The following RAPGEF2 variants were observed in gnomAD, a reference collection of about 807,000 sequenced individuals.
RAPGEF2 encodes PDZ domain containing guanine nucleotide exchange factor (GEF) 1.
A neutral mutation model predicts 186.7 loss-of-function variants in RAPGEF2; 54 were observed. That is an observed-to-expected ratio of 0.29 (90% confidence interval 0.23 to 0.36). RAPGEF2 has a LOEUF of 0.36. Ranked by LOEUF, RAPGEF2 falls within the 10% of genes least tolerant of loss-of-function variation. The pLI is 1.00. For missense variants in RAPGEF2, 1,532 were observed against 2,045.0 expected (o/e 0.75, Z 4.84); for synonymous variants, 712 against 705.9 (o/e 1.01, Z -0.14).
intron 1 of RAPGEF2, among the ~76,000 whole-genome samples, chr4:159,170,153 T>C (rs1745755095): frequency 6.6e-6 from 1 of 152,224 alleles, no homozygotes; most frequent in South Asian, 2.1e-4. Context: ...ATTTCTTGGA[T>C]GATTAGTGAT....
At chr4:159,183,408 A>G (rs1156429451) in intron 1 of RAPGEF2, among the ~76,000 whole-genome samples, 1 of 152,238 alleles carries the variant, frequency 6.6e-6, no homozygotes, top group Non-Finnish European at 1.5e-5. Flanking sequence ...ACTGTATACA[A>G]AAATTAAAAT....
At chr4:159,120,974 C>T (rs1739613940) in intron 1 of RAPGEF2, among the ~76,000 whole-genome samples, 1 of 152,090 alleles carries the variant, frequency 6.6e-6, no homozygotes, top group Non-Finnish European at 1.5e-5. Flanking sequence ...CCATCCTCTG[C>T]CTCCCTACTA....
chr4:159,159,659 A>G (rs538507804), intron 1 of RAPGEF2, among the ~76,000 whole-genome samples: 1 of 152,356 alleles, frequency 6.6e-6, no homozygotes, highest in Non-Finnish European at 1.5e-5. Flanking sequence ...AAAATTATTC[A>G]TACACATATT....
intron 7 of RAPGEF2, among the ~76,000 whole-genome samples, chr4:159,245,378 T>A (rs1754514090): frequency 6.6e-6 from 1 of 151,990 alleles, no homozygotes; most frequent in African/African-American, 2.4e-5. Flanking sequence ...TATTTCAAAT[T>A]GCTAAAAAAT....
intron 1 of RAPGEF2, among the ~76,000 whole-genome samples, chr4:159,150,539 G>A (rs1264079609): frequency 6.6e-6 from 1 of 152,122 alleles, no homozygotes; most frequent in Non-Finnish European, 1.5e-5. Context: ...AATCACCAGA[G>A]AACACACAAG....
chr4:159,177,065 T>G (rs1194175309), intron 1 of RAPGEF2, among the ~76,000 whole-genome samples: 1 of 152,202 alleles, frequency 6.6e-6, no homozygotes, highest in East Asian at 1.9e-4. Flanking sequence ...GATATGAGAT[T>G]TCTTACCAAT....
At chr4:159,210,631 C>A in intron 4 of RAPGEF2, 48 bp downstream of exon 4, 3 of 1,382,468 alleles carry the variant, frequency 2.2e-6, no homozygotes, top group Non-Finnish European at 3.0e-6. Flanking sequence ...GCTTGAAATT[C>A]TTTTGCAGAA....
In RAPGEF2 at chr4:159,295,754, T is replaced by TGC. The variant is rs66478721; in HGVS notation, c.544-8569_544-8568dup. ...GTGTGTGTGTGTGTGTGTGTGTGTG[T>TGC]GCGCGCGCGCGCGCGCGCGCATGCA... On this transcript the variant is annotated intron_variant, in intron 7 of 29. Transcript: ENST00000691494. Among the ~76,000 whole-genome samples, 493 of 113,964 alleles carry TGC rather than the reference T, an allele frequency of 4.3e-3. 2 individuals carry two copies. The highest frequency in any genetic ancestry group is 0.02 in the East Asian group (58 of 2,954). 74.8% of individuals were successfully genotyped at this position (113,964 alleles called of 152,430 possible). A position where few individuals can be genotyped will look rare whatever the true frequency, so the allele number is the denominator to read the frequency against.
At chr4:159,217,154 G>A (rs1006269412) in intron 4 of RAPGEF2, among the ~76,000 whole-genome samples, 10 of 152,104 alleles carry the variant, frequency 6.6e-5, no homozygotes, top group African/African-American at 2.2e-4. Context: ...TTGTTTTCAA[G>A]TGGGATTATT....
At chr4:159,351,866 G>A (rs956832036) in intron 26 of RAPGEF2, among the ~76,000 whole-genome samples, 3 of 152,250 alleles carry the variant, frequency 2.0e-5, no homozygotes, top group South Asian at 2.1e-4. Flanking sequence ...CAGGAGAATC[G>A]CTTGAAGCCA....
At chr4:159,120,763 T>C (rs1232634899) in intron 1 of RAPGEF2, among the ~76,000 whole-genome samples, 1 of 152,238 alleles carries the variant, frequency 6.6e-6, no homozygotes, top group Non-Finnish European at 1.5e-5. Context: ...TTCTTTAAAA[T>C]TGATTAACTT....
At chr4:159,283,769 A>T (rs113472297) in intron 7 of RAPGEF2, among the ~76,000 whole-genome samples, 1,851 of 152,240 alleles carry the variant, frequency 0.012, 40 homozygotes, top group African/African-American at 0.042. Flanking sequence ...ACATTTTTTT[A>T]AAAAAACCCT....
intron 1 of RAPGEF2, among the ~76,000 whole-genome samples, chr4:159,107,521 G>T (rs1024153919): frequency 1.1e-4 from 16 of 152,098 alleles, no homozygotes; most frequent in Non-Finnish European, 1.2e-4. Context: ...AAGACCTAAT[G>T]TAATGCATTT....
intron 7 of RAPGEF2, among the ~76,000 whole-genome samples, chr4:159,274,664 A>G (rs1758599793): frequency 6.6e-6 from 1 of 152,178 alleles, no homozygotes; most frequent in Non-Finnish European, 1.5e-5. Context: ...CATGCTTGTG[A>G]TATTTCCATA....
chr4:159,210,693 G>C (rs1296767928), intron 4 of RAPGEF2, 110 bp downstream of exon 4: 2 of 772,216 alleles, frequency 2.6e-6, no homozygotes, highest in Non-Finnish European at 4.1e-6. Context: ...CTGATACAAA[G>C]CAAGACAGTA....
intron 1 of RAPGEF2, among the ~76,000 whole-genome samples, chr4:159,109,425 T>A (rs1410352222): frequency 6.6e-6 from 1 of 152,252 alleles, no homozygotes; most frequent in Non-Finnish European, 1.5e-5. Context: ...GTATTCCTTC[T>A]CTTCACTCCA....
chr4:159,267,799 T>C (rs1411661366), intron 7 of RAPGEF2: 13 of 1,013,386 alleles, frequency 1.3e-5, no homozygotes, highest in African/African-American at 1.7e-5. Flanking sequence ...TTCTTTTTTT[T>C]TTTTTTTTCC....
chr4:159,258,806 T>C (rs535942873), intron 7 of RAPGEF2, among the ~76,000 whole-genome samples: 66 of 152,132 alleles, frequency 4.3e-4, no homozygotes, highest in Non-Finnish European at 8.2e-4. Context: ...AAATTAGCAT[T>C]ATTTAGTATT....
chr4:159,327,067 A>T (rs1766022870), intron 11 of RAPGEF2: 1 of 152,268 alleles, frequency 6.6e-6, no homozygotes. Context: ...AGAATGTAAG[A>T]AACAGTTTTG....
Sources: gnomAD v4.1 joint callset for allele counts (sites outside exome capture counted in the v4.1 genomes callset) on GRCh38, gnomAD v4.1.1 for gene constraint, MANE v1.5 for transcripts, NCBI Gene and HGNC (gene_info 2026-07-23, HGNC 2026-07-21) for gene names.